Variants in GALNT14 observed in about 807,000 individuals in gnomAD.
GALNT14 encodes polypeptide N-acetylgalactosaminyltransferase 14, also known as UDP-GalNAc:polypeptide N-acetylgalactosaminyltransferase 14.
In GALNT14, 60 loss-of-function variants were observed where a neutral mutation model predicts 77.5. The observed-to-expected ratio is 0.77, with a 90% CI of 0.63 to 0.96. The LOEUF is 0.96. Among genes scored for constraint, GALNT14 ranks in the 40% least tolerant of loss-of-function variants. The pLI is 0.00. For synonymous variants in GALNT14, 280 were observed against 281.7 expected (o/e 0.99, Z 0.06); for missense variants, 710 against 731.0 (o/e 0.97, Z 0.33).
At chr2:30,971,760 C>CA (rs1668370756) in intron 2 of GALNT14, among the ~76,000 whole-genome samples, 1 of 152,118 alleles carries the variant, frequency 6.6e-6, no homozygotes, top group South Asian at 2.1e-4. Flanking sequence ...CAACACCCCC[C>CA]ACCCTGCACC....
At chr2:31,014,558 C>T (rs1206629378) in intron 1 of GALNT14, among the ~76,000 whole-genome samples, 3 of 151,914 alleles carry the variant, frequency 2.0e-5, no homozygotes, top group Non-Finnish European at 4.4e-5. Flanking sequence ...CAGTGGATGC[C>T]CCCTTCTGAA....
At chr2:31,120,524 TA>T (rs1678354625) in intron 1 of GALNT14, among the ~76,000 whole-genome samples, 1 of 152,216 alleles carries the variant, frequency 6.6e-6, no homozygotes, top group South Asian at 2.1e-4. Context: ...TTTCAACGTA[TA>T]TATCTTGTTT....
intron 1 of GALNT14, among the ~76,000 whole-genome samples, chr2:31,057,408 GGT>G (rs1674302981): frequency 1.5e-5 from 2 of 129,432 alleles, no homozygotes; most frequent in Non-Finnish European, 3.2e-5. Flanking sequence ...AGCTGTTGCA[GGT>G]ATATATATAT....
At chr2:31,044,453 G>T (rs1025976594) in intron 1 of GALNT14, among the ~76,000 whole-genome samples, 4 of 152,140 alleles carry the variant, frequency 2.6e-5, no homozygotes, top group Non-Finnish European at 5.9e-5. Context: ...AGTGTCCTCT[G>T]TGCCTAGGAT....
chr2:30,923,576 G>C (rs1665173040), intron 13 of GALNT14, among the ~76,000 whole-genome samples: 1 of 152,208 alleles, frequency 6.6e-6, no homozygotes, highest in African/African-American at 2.4e-5. Context: ...GAGATGCAGA[G>C]GTGAAGCTGG....
chr2:31,121,588 T>C (rs1374968206), intron 1 of GALNT14, among the ~76,000 whole-genome samples: 2 of 152,082 alleles, frequency 1.3e-5, no homozygotes, highest in African/African-American at 4.8e-5. Flanking sequence ...TCTGGCCCAC[T>C]CCTGGTTTCT....
intron 4 of GALNT14, among the ~76,000 whole-genome samples, chr2:30,957,345 G>C (rs1394864698): frequency 6.6e-6 from 1 of 152,090 alleles, no homozygotes; most frequent in Non-Finnish European, 1.5e-5. Context: ...TGATTTACAG[G>C]TCTAGGATTT....
chr2:31,087,011 G>A (rs116809340), intron 1 of GALNT14, among the ~76,000 whole-genome samples: 194 of 152,314 alleles, frequency 1.3e-3, no homozygotes, highest in African/African-American at 4.5e-3. Context: ...ACTAAAAAAT[G>A]AGGCAGCATG....
chr2:30,992,795 C>T, intron 2 of GALNT14, 43 bp downstream of exon 2: 1 of 1,601,276 alleles, frequency 6.2e-7, no homozygotes, highest in Non-Finnish European at 8.5e-7. Context: ...CTGTTGATCT[C>T]TTTTGACTGC....
chr2:31,007,455 T>C (rs927260067), intron 1 of GALNT14, among the ~76,000 whole-genome samples: 2 of 152,178 alleles, frequency 1.3e-5, no homozygotes, highest in Non-Finnish European at 2.9e-5. Context: ...TCACCAATCA[T>C]TCTTGTCCAT....
chr2:30,967,541 G>C (rs1211690360), intron 2 of GALNT14, among the ~76,000 whole-genome samples: 3 of 152,196 alleles, frequency 2.0e-5, no homozygotes, highest in African/African-American at 7.2e-5. Context: ...CCAAAAGTTA[G>C]GGAAGGAAGG....
intron 13 of GALNT14, among the ~76,000 whole-genome samples, chr2:30,913,291 C>T (rs1375677389): frequency 2.0e-5 from 3 of 152,110 alleles, no homozygotes; most frequent in South Asian, 2.1e-4. Flanking sequence ...GGGGAAGCTG[C>T]GGAGGATCCT....
chr2:31,040,174 T>G (rs753749862), intron 1 of GALNT14, among the ~76,000 whole-genome samples: 1 of 152,206 alleles, frequency 6.6e-6, no homozygotes, highest in Non-Finnish European at 1.5e-5. Context: ...CTTATTGAGA[T>G]ACATGACAGA....
chr2:31,054,297 C>T (rs181468819), intron 1 of GALNT14, among the ~76,000 whole-genome samples: 311 of 152,306 alleles, frequency 2.0e-3, no homozygotes, highest in African/African-American at 7.1e-3. Context: ...GTGCCAATGC[C>T]ATCAAAGATG....
rs770605962 is a variant in GALNT14 at position 31,042,882 on chromosome 2, T to G, written c.130-49875A>C. 9.2e-5 allele frequency among the ~76,000 whole-genome samples: 14 copies of G among 152,264 alleles called. No individual in the cohort carries two copies. The East Asian group carries it at 2.1e-3, about 23-fold the overall frequency. On this transcript the variant is annotated intron_variant, in intron 1 of 14. Transcript: ENST00000349752. ...ATTTGCAATACAACAGTTAGAATGG[T>G]CCTTTCTAAAACAAGTCAGATCATG...
At chr2:30,921,297 G>T (rs1665015687) in intron 13 of GALNT14, among the ~76,000 whole-genome samples, 1 of 152,178 alleles carries the variant, frequency 6.6e-6, no homozygotes, top group Admixed American at 6.5e-5. Flanking sequence ...CCCAGGGAAA[G>T]GGGGAAGACA....
At chr2:30,921,463 T>C (rs1022496930) in intron 13 of GALNT14, among the ~76,000 whole-genome samples, 2 of 152,138 alleles carry the variant, frequency 1.3e-5, no homozygotes, top group Non-Finnish European at 2.9e-5. Flanking sequence ...ACACCTCAAT[T>C]TCCTTTCCCT....
At chr2:31,033,472 C>T (rs913171546) in intron 1 of GALNT14, among the ~76,000 whole-genome samples, 2 of 152,216 alleles carry the variant, frequency 1.3e-5, no homozygotes, top group Non-Finnish European at 2.9e-5. Flanking sequence ...TTTCCTTCCT[C>T]GTGATCCTCC....
rs993319553 is a variant in GALNT14 at position 31,072,367 on chromosome 2, C to T, written c.129+65591G>A. Among the ~76,000 whole-genome samples, 6 of 151,486 alleles carry T rather than the reference C, an allele frequency of 4.0e-5. No homozygotes were observed. The South Asian group carries it at 8.4e-4, about 21-fold the overall frequency. On this transcript the variant is annotated intron_variant, in intron 1 of 14. Transcript: ENST00000349752. ...TACACAGGTCAAAATTTTTGTCTCT[C>T]TTGCTCTCTTTTTTTTTCTTTTGTT...
Sources: gnomAD v4.1 joint callset for allele counts (sites outside exome capture counted in the v4.1 genomes callset) on GRCh38, gnomAD v4.1.1 for gene constraint, MANE v1.5 for transcripts, NCBI Gene and HGNC (gene_info 2026-07-23, HGNC 2026-07-21) for gene names.